STARD13: variants seen among roughly 807,000 people sequenced by gnomAD.
The protein encoded by STARD13 is StAR related lipid transfer domain containing 13.
In STARD13, 62 loss-of-function variants were observed where a neutral mutation model predicts 106.4. That is an observed-to-expected ratio of 0.58 (90% CI 0.48 to 0.72). The LOEUF is 0.72. STARD13 is among the 30% of genes least tolerant of loss of function. The pLI is 0.00. For synonymous variants in STARD13, 565 were observed against 553.0 expected (o/e 1.02, Z -0.31); for missense variants, 1,387 against 1,424.0 (o/e 0.97, Z 0.42).
At chr13:33,457,398 T>C in the STARD13 span, among the ~76,000 whole-genome samples, 1 of 152,200 alleles carries the variant, frequency 6.6e-6, no homozygotes, top group Non-Finnish European at 1.5e-5. Context: ...AAGAAAGTCC[T>C]CAAAGCCAGA....
the STARD13 span, among the ~76,000 whole-genome samples, chr13:33,422,124 G>T: frequency 1.3e-5 from 2 of 152,048 alleles, no homozygotes; most frequent in Non-Finnish European, 2.9e-5. Context: ...AGAAATAAAG[G>T]GTATTCAATA....
the STARD13 span, among the ~76,000 whole-genome samples, chr13:33,422,005 A>C: frequency 2.7e-5 from 4 of 150,846 alleles, no homozygotes; most frequent in Non-Finnish European, 5.9e-5. Context: ...AATGGGAAAA[A>C]ACTGGAAGCA....
Position 33,295,433 on chromosome 13 carries a change from CT to C in STARD13, c.124+54856del, listed in dbSNP as rs199508218. Among the ~76,000 whole-genome samples the C allele has an allele frequency of 2.7e-4, 41 of 152,244 alleles. 1 individual carries two copies. In the East Asian group the frequency reaches 7.9e-3, roughly 29 times the overall value. On this transcript the variant is annotated intron_variant, in intron 1 of 5. Coordinates refer to the STARD13 transcript ENST00000567873. ...AGAAATAATTTAACCAAAAGTGATC[CT>C]GGTGTAATAAAAAGATTTTTTTCTG...
chr13:33,634,384 T>C, the STARD13 span, among the ~76,000 whole-genome samples: 1 of 152,172 alleles, frequency 6.6e-6, no homozygotes, highest in Non-Finnish European at 1.5e-5. Context: ...GCATAGAATA[T>C]TTCTCATTGT....
intron 1 of STARD13, among the ~76,000 whole-genome samples, chr13:33,330,191 T>C (rs2077821074): frequency 6.6e-6 from 1 of 152,224 alleles, no homozygotes; most frequent in African/African-American, 2.4e-5. Flanking sequence ...AATGGTTGTA[T>C]AAAGTTATAT....
intron 1 of STARD13, among the ~76,000 whole-genome samples, chr13:33,311,154 G>C (rs1311064300): frequency 6.6e-6 from 1 of 151,182 alleles, no homozygotes; most frequent in African/African-American, 2.4e-5. Context: ...AAAAATAGTT[G>C]GGTGTGGTAG....
the STARD13 span, among the ~76,000 whole-genome samples, chr13:33,443,376 C>CA: frequency 0.038 from 3,633 of 94,552 alleles, 52 homozygotes; most frequent in East Asian, 0.077. Flanking sequence ...GATTCTGTCT[C>CA]AAAAAAAAAA....
chr13:33,542,696 C>A, the STARD13 span, among the ~76,000 whole-genome samples: 4 of 152,356 alleles, frequency 2.6e-5, no homozygotes, highest in South Asian at 8.3e-4. Flanking sequence ...GGGAACCCTC[C>A]AGAAGTCTTA....
the STARD13 span, among the ~76,000 whole-genome samples, chr13:33,366,714 C>A: frequency 3.3e-5 from 5 of 152,190 alleles, no homozygotes; most frequent in African/African-American, 1.2e-4. This position sits in a 1 kb window ranked among gnomAD's most constrained non-coding sequence, Gnocchi z 4.2. Context: ...GGCTATTTTA[C>A]TTAGCAATGA....
the STARD13 span, among the ~76,000 whole-genome samples, chr13:33,600,680 C>T: frequency 2.6e-5 from 4 of 152,076 alleles, no homozygotes; most frequent in East Asian, 7.7e-4. Flanking sequence ...AAGGGATGTA[C>T]ACTTTTTACC....
At chr13:33,502,888 T>C in the STARD13 span, among the ~76,000 whole-genome samples, 2 of 152,252 alleles carry the variant, frequency 1.3e-5, no homozygotes, top group Non-Finnish European at 2.9e-5. Context: ...AGGATGATGC[T>C]GGCCTCATAA....
the STARD13 span, among the ~76,000 whole-genome samples, chr13:33,457,628 G>A: frequency 2.6e-5 from 4 of 152,272 alleles, no homozygotes; most frequent in African/African-American, 4.8e-5. Context: ...CTCACAGTCC[G>A]GGAGGCTGGA....
the STARD13 span, among the ~76,000 whole-genome samples, chr13:33,422,782 A>G: frequency 6.6e-6 from 1 of 152,200 alleles, no homozygotes; most frequent in Admixed American, 6.5e-5. Flanking sequence ...GCCCTCAGAA[A>G]TAACACCACA....
At position 33,103,951 on chromosome 13, in the gene STARD13, TC is replaced by T. The variant is rs1330196310; in HGVS notation, c.*1641del. ...GATATGGGAATGAAAAATTTCTAGG[TC>T]ATAATTCAAACTGTAAGATTTTCCT... On this transcript the variant is annotated 3_prime_UTR_variant, in exon 14 of 14. Transcript: ENST00000336934. 1 of 152,212 alleles carries T rather than the reference TC, an allele frequency of 6.6e-6. No homozygotes were observed. Among genetic ancestry groups the T allele is most frequent in the Non-Finnish European group, 1.5e-5 (1 of 68,030 alleles). 9.4% of individuals were successfully genotyped at this position (152,212 alleles called of 1,614,324 possible).
chr13:33,444,467 T>C, the STARD13 span, among the ~76,000 whole-genome samples: 1 of 152,204 alleles, frequency 6.6e-6, no homozygotes, highest in East Asian at 1.9e-4. Context: ...TTGAGTTACA[T>C]TTAAGGGTAA....
intron 1 of STARD13, among the ~76,000 whole-genome samples, chr13:33,292,061 A>G (rs1594227306): frequency 6.6e-6 from 1 of 152,274 alleles, no homozygotes; most frequent in Middle Eastern, 3.4e-3. Context: ...GTAAAAAATA[A>G]ACAACTAACT....
the STARD13 span, among the ~76,000 whole-genome samples, chr13:33,502,774 G>C: frequency 2.0e-5 from 3 of 152,334 alleles, no homozygotes; most frequent in East Asian, 5.8e-4. Flanking sequence ...TGTGCTGCTA[G>C]ATTCGGTTTG....
At chr13:33,346,378 T>G (rs2078016935), downstream of STARD13, among the ~76,000 whole-genome samples, 1 of 152,150 alleles carries the variant, frequency 6.6e-6, no homozygotes, top group South Asian at 2.1e-4. Context: ...ATTTTTCAAG[T>G]ATGTATGATC....
the STARD13 span, among the ~76,000 whole-genome samples, chr13:33,675,427 G>A: frequency 6.6e-6 from 1 of 152,184 alleles, no homozygotes; most frequent in African/African-American, 2.4e-5. Flanking sequence ...CACTACTGCT[G>A]CACCCTCAGA....
Sources: allele counts gnomAD v4.1 joint callset (sites outside exome capture counted in the v4.1 genomes callset), GRCh38; gene constraint gnomAD v4.1.1; non-coding constraint Gnocchi (gnomAD v3.1); transcripts MANE v1.5; gene names NCBI Gene and HGNC (gene_info 2026-07-23, HGNC 2026-07-21).